Variants in ITGB8 observed in about 807,000 individuals in gnomAD.
The protein encoded by ITGB8 is integrin beta-8.
Under a neutral mutation model 89.5 loss-of-function variants are expected in ITGB8, and 30 were observed. The observed-to-expected ratio is 0.34, with a 90% CI of 0.25 to 0.45. The LOEUF (loss-of-function observed/expected upper bound fraction) is 0.45, where lower values mean the gene tolerates loss of function less well. ITGB8 is among the 20% of genes least tolerant of loss of function. The pLI is 1.00. For synonymous variants in ITGB8, 335 were observed against 320.4 expected (o/e 1.05, Z -0.49); for missense variants, 836 against 933.3 (o/e 0.90, Z 1.36).
chr7:20,345,391 A>AT (rs1784890755), intron 1 of ITGB8, among the ~76,000 whole-genome samples: 1 of 22,520 alleles, frequency 4.4e-5, no homozygotes, highest in South Asian at 1.9e-3. Context: ...GACAGACAAA[A>AT]TAAAAAAAAA....
upstream of ITGB8, among the ~76,000 whole-genome samples, chr7:20,330,285 T>C (rs1583453383): frequency 6.6e-6 from 1 of 152,192 alleles, no homozygotes; most frequent in Admixed American, 6.5e-5. Context: ...GACGAGCTCC[T>C]AACTGCAAGC....
intron 7 of ITGB8, among the ~76,000 whole-genome samples, chr7:20,393,387 C>T (rs1786943503): frequency 6.6e-6 from 1 of 152,196 alleles, no homozygotes; most frequent in South Asian, 2.1e-4. Context: ...CTGTAGTCAC[C>T]TCCTTTGACT....
chr7:20,378,546 G>C (rs1236760975), intron 3 of ITGB8, among the ~76,000 whole-genome samples: 1 of 152,180 alleles, frequency 6.6e-6, no homozygotes, highest in African/African-American at 2.4e-5. Flanking sequence ...CTCATCTCCT[G>C]TGTAAATACA....
chr7:20,337,470 G>A (rs777294130), intron 1 of ITGB8, among the ~76,000 whole-genome samples: 2 of 152,068 alleles, frequency 1.3e-5, no homozygotes, highest in Non-Finnish European at 2.9e-5. Flanking sequence ...TAAGTTTTGT[G>A]TATTATTTAC....
chr7:20,397,026 A>G (rs1398925106), intron 8 of ITGB8, among the ~76,000 whole-genome samples: 1 of 152,178 alleles, frequency 6.6e-6, no homozygotes, highest in Non-Finnish European at 1.5e-5. Flanking sequence ...TTGTCTTCAC[A>G]GTCCAACAGA....
intron 7 of ITGB8, among the ~76,000 whole-genome samples, chr7:20,391,979 T>C (rs1351854186): frequency 6.6e-6 from 1 of 152,096 alleles, no homozygotes; most frequent in African/African-American, 2.4e-5. Context: ...AAAGGGGCCA[T>C]CGAAGTGTCT....
At chr7:20,365,356 A>G (rs1355537795) in intron 2 of ITGB8, 2 of 152,234 alleles carry the variant, frequency 1.3e-5, no homozygotes, top group Non-Finnish European at 2.9e-5. Context: ...AGCGCAGTGC[A>G]GCCTAGTTTA....
chr7:20,336,471 C>T (rs1784583085), intron 1 of ITGB8, among the ~76,000 whole-genome samples: 1 of 152,182 alleles, frequency 6.6e-6, no homozygotes, highest in Non-Finnish European at 1.5e-5. Flanking sequence ...CTTGTCCAGT[C>T]TTCATAATCA....
At chr7:20,360,018 C>T (rs1785439243) in intron 1 of ITGB8, among the ~76,000 whole-genome samples, 1 of 152,100 alleles carries the variant, frequency 6.6e-6, no homozygotes, top group South Asian at 2.1e-4. Flanking sequence ...TTTCCTGTAG[C>T]TATGTAGAAC....
intron 12 of ITGB8, among the ~76,000 whole-genome samples, chr7:20,408,687 G>A (rs947684125): frequency 7.2e-5 from 11 of 152,112 alleles, no homozygotes; most frequent in Non-Finnish European, 1.5e-5. Flanking sequence ...GAGTTCCATG[G>A]ACTACTTGCC....
At chr7:20,368,410 T>A (rs1785791388) in intron 3 of ITGB8, among the ~76,000 whole-genome samples, 1 of 152,208 alleles carries the variant, frequency 6.6e-6, no homozygotes, top group Non-Finnish European at 1.5e-5. Flanking sequence ...CACTAAACTC[T>A]GCCCTTAGAT....
intron 6 of ITGB8, among the ~76,000 whole-genome samples, chr7:20,386,910 A>G (rs1402196590): frequency 6.6e-6 from 1 of 152,202 alleles, no homozygotes; most frequent in Non-Finnish European, 1.5e-5. Flanking sequence ...ACTTACAAAA[A>G]TCAATGCATA....
Position 20,383,511 on chromosome 7 carries a change from G to A in ITGB8, c.960+1626G>A, listed in dbSNP as rs192086801. Among the ~76,000 whole-genome samples, 6 of 152,228 alleles carry A rather than the reference G, an allele frequency of 3.9e-5. No individual in the cohort carries two copies. In the East Asian group the frequency reaches 1.2e-3, roughly 29 times the overall value. On this transcript the variant is annotated intron_variant, in intron 6 of 13. Transcript: ENST00000222573. ...GGTACAGGAAGAATTATTCTATTGT[G>A]AGACAAAGAGAAGGTTTTTATTTTT...
At chr7:20,381,455 C>T in intron 5 of ITGB8, 1 of 251,800 alleles carries the variant, frequency 4.0e-6, no homozygotes, top group Non-Finnish European at 7.5e-6. Flanking sequence ...AGCCACCGTG[C>T]CTGGCCTCTC....
chr7:20,413,475 T>C lies in ITGB8; in HGVS notation c.*3478T>C, dbSNP rs906943253. The C allele has an allele frequency of 2.0e-5, 3 of 152,556 alleles. No homozygotes were observed. The highest frequency in any genetic ancestry group is 6.6e-5 in the Admixed American group (1 of 15,262). The allele number at this position is 152,556 out of a possible 1,614,324, so 9.5% of individuals were successfully genotyped here. On this transcript the variant is annotated 3_prime_UTR_variant, in exon 14 of 14. Transcript: ENST00000222573. ...AAGAATTTTCTCTGTAGAATTATATTCTTCCTGGAACCTGGTAGAGTAGAT... is the reference window on the plus strand; with the variant it reads ...AAGAATTTTCTCTGTAGAATTATATCCTTCCTGGAACCTGGTAGAGTAGAT...
intron 1 of ITGB8, among the ~76,000 whole-genome samples, chr7:20,336,705 T>C (rs1239190680): frequency 6.6e-6 from 1 of 152,188 alleles, no homozygotes; most frequent in Non-Finnish European, 1.5e-5. Flanking sequence ...AGCTCCCCAT[T>C]GTCTTCAGGC....
rs372857680 is a variant in ITGB8, at chr7:20,341,889, T to TAA, written c.127+9970_127+9971dup. ...CTGCCTCTTAGGTATATGTTTGAGT[T>TAA]AAAAAAAAAAAAAAAGATGTGTTAC... On this transcript the variant is annotated intron_variant, in intron 1 of 13. Coordinates refer to ENST00000222573, the MANE Select transcript of ITGB8 (RefSeq NM_002214.3). Among the ~76,000 whole-genome samples, 83 of 140,094 alleles carry TAA rather than the reference T, an allele frequency of 5.9e-4. 1 individual carries two copies. The highest frequency in any genetic ancestry group is 1.6e-3 in the African/African-American group (61 of 37,988). The allele number at this position is 140,094 out of a possible 152,430, so 91.9% of individuals were successfully genotyped here.
At chr7:20,358,783 G>T (rs539621326) in intron 1 of ITGB8, among the ~76,000 whole-genome samples, 16 of 152,158 alleles carry the variant, frequency 1.1e-4, no homozygotes, top group Non-Finnish European at 2.1e-4. Flanking sequence ...GCATGATGCT[G>T]AGGTTTAGGG....
intron 8 of ITGB8, among the ~76,000 whole-genome samples, chr7:20,396,591 AC>A (rs1269619407): frequency 6.6e-6 from 1 of 152,076 alleles, no homozygotes; most frequent in Non-Finnish European, 1.5e-5. Context: ...TCTCACTGTT[AC>A]AAAAAAGAAC....
Sources: allele counts gnomAD v4.1 joint callset (sites outside exome capture counted in the v4.1 genomes callset), GRCh38; gene constraint gnomAD v4.1.1; transcripts MANE v1.5; gene names NCBI Gene and HGNC (gene_info 2026-07-23, HGNC 2026-07-21).